The following GLYATL1B variants were observed in gnomAD, a reference collection of about 807,000 sequenced individuals.
GLYATL1B encodes putative glycine N-acyltransferase-like protein 1B.
Under a neutral mutation model 5.5 loss-of-function variants are expected in GLYATL1B, and 6 were observed. The ratio of observed to expected loss-of-function variants is 1.09; its 90% CI spans 0.60 to 2.15. GLYATL1B has a LOEUF of 2.15. Among genes scored for constraint, GLYATL1B ranks in the 30% most tolerant of loss-of-function variants. GLYATL1B has a pLI of 0.00. For synonymous variants in GLYATL1B, 67 were observed against 34.9 expected (o/e 1.92, Z -3.24); for missense variants, 135 against 94.1 (o/e 1.43, Z -1.80).
At chr11:59,094,228 G>T (rs1590875289) in intron 4 of GLYATL1B, 117 bp downstream of exon 4, 1 of 500,298 alleles carries the variant, frequency 2.0e-6, no homozygotes, top group Non-Finnish European at 3.6e-6. Flanking sequence ...ATGAATAAAG[G>T]TTGTCAGTGG....
chr11:59,086,411 A>G, intron 1 of GLYATL1B, 27 bp downstream of exon 1: 2 of 398,548 alleles, frequency 5.0e-6, no homozygotes, highest in Non-Finnish European at 8.9e-6. Flanking sequence ...AGGTTGGGGT[A>G]TGGGAGTAGG....
chr11:59,089,718 A>G (rs1859268319), intron 2 of GLYATL1B, among the ~76,000 whole-genome samples: 1 of 152,114 alleles, frequency 6.6e-6, no homozygotes, highest in Admixed American at 6.5e-5. Flanking sequence ...TGTGTTTTGG[A>G]TATGAGGGAT....
intron 2 of GLYATL1B, among the ~76,000 whole-genome samples, chr11:59,087,402 A>C (rs28472454): frequency 6.6e-6 from 1 of 151,620 alleles, no homozygotes; most frequent in African/African-American, 2.4e-5. Context: ...AAAAGGACAA[A>C]GCTGACACTC....
chr11:59,091,153 T>C (rs531992473), intron 2 of GLYATL1B, among the ~76,000 whole-genome samples: 58 of 152,272 alleles, frequency 3.8e-4, no homozygotes, highest in African/African-American at 1.3e-3. Flanking sequence ...GAATATTTTA[T>C]TCAGAATTTT....
At chr11:59,090,368 T>C (rs540268) in intron 2 of GLYATL1B, among the ~76,000 whole-genome samples, 108,361 of 151,852 alleles carry the variant, frequency 0.71, 39,583 homozygotes, top group African/African-American at 0.86. Flanking sequence ...TAGACAATTG[T>C]GGAAGCATTA....
rs1859196050 is a variant in GLYATL1B at position 59,086,362 on chromosome 11, G to A, written c.56G>A (p.Arg19Lys). ...CTGGCCCTATTCAAATCTTTAGCAA[G>A]GAGCATTCCTGAGTCCCTGAAGGTG... The part of the protein sequence containing the change: ...RLLALFKSLA[R>K]SIPESLKVYG... Residue 19 changes from arginine (R) to lysine (K), a missense_variant, in exon 1 of 5, where the codon AGG (arginine) becomes AAG (lysine). Transcript: ENST00000527482. 1 of 398,848 alleles carries A rather than the reference G, an allele frequency of 2.5e-6. No homozygotes were observed. Among genetic ancestry groups the A allele is most frequent in the Non-Finnish European group, 4.4e-6 (1 of 225,850 alleles). The allele number at this position is 398,848 out of a possible 1,614,324, so 24.7% of individuals were successfully genotyped here.
At chr11:59,088,014 T>TATTC (rs1274392461) in intron 2 of GLYATL1B, among the ~76,000 whole-genome samples, 1 of 152,146 alleles carries the variant, frequency 6.6e-6, no homozygotes, top group African/African-American at 2.4e-5. Context: ...CACTGAGAAA[T>TATTC]ATTCAGTCAG....
chr11:59,086,460 G>A (rs868028933), intron 1 of GLYATL1B, 76 bp downstream of exon 1: 147 of 396,796 alleles, frequency 3.7e-4, no homozygotes, highest in South Asian at 5.1e-4. Context: ...CATGAATCTC[G>A]TCCTTCCTGA....
intron 2 of GLYATL1B, among the ~76,000 whole-genome samples, chr11:59,090,667 G>T (rs941137210): frequency 6.6e-6 from 1 of 151,940 alleles, no homozygotes; most frequent in African/African-American, 2.4e-5. Flanking sequence ...TGCCTGGGGT[G>T]TTATTTGTTT....
At chr11:59,089,721 T>A (rs1372955392) in intron 2 of GLYATL1B, among the ~76,000 whole-genome samples, 1 of 152,192 alleles carries the variant, frequency 6.6e-6, no homozygotes, top group African/African-American at 2.4e-5. Context: ...GTTTTGGATA[T>A]GAGGGATACT....
At chr11:59,089,190 A>T (rs965626474) in intron 2 of GLYATL1B, among the ~76,000 whole-genome samples, 2 of 152,166 alleles carry the variant, frequency 1.3e-5, no homozygotes, top group African/African-American at 4.8e-5. Context: ...CAGCACTAAC[A>T]TATTTGTTTT....
intron 2 of GLYATL1B, among the ~76,000 whole-genome samples, chr11:59,090,664 G>A (rs1398071393): frequency 6.6e-6 from 1 of 151,510 alleles, no homozygotes; most frequent in Non-Finnish European, 1.5e-5. Context: ...GTTTGCCTGG[G>A]GTGTTATTTG....
Position 59,093,927 on chromosome 11 carries a change from C to T in GLYATL1B, c.314-7C>T. ...CTGACAATATTGCTTTCTTGGCTTT[C>T]TCTCAGGTTTTCAAGAAAGTTTAGG... On this transcript the variant is annotated splice_polypyrimidine_tract_variant and splice_region_variant and intron_variant, in intron 3 of 4. Transcript: ENST00000527482. 6.1e-6 allele frequency: 4 copies of T among 660,102 alleles called. No individual in the cohort carries two copies. Among genetic ancestry groups the T allele is most frequent in the Admixed American group, 2.5e-5 (1 of 40,036 alleles). 40.9% of individuals were successfully genotyped at this position (660,102 alleles called of 1,614,324 possible). A position where few individuals can be genotyped will look rare whatever the true frequency, so the allele number is the denominator to read the frequency against.
rs1300003130 is a variant in GLYATL1B at position 59,094,386 on chromosome 11, A to G, written c.509A>G (p.Lys170Arg). 5 of 564,876 alleles carry G rather than the reference A, an allele frequency of 8.9e-6. No homozygotes were observed. Among genetic ancestry groups the G allele is most frequent in the African/African-American group, 7.7e-5 (4 of 52,104 alleles). The allele number at this position is 564,876 out of a possible 1,614,324, so 35.0% of individuals were successfully genotyped here. A position where few individuals can be genotyped will look rare whatever the true frequency, so the allele number is the denominator to read the frequency against. ...DELESETPNFKYAQLNVSYSG... is the reference protein window; with the variant it reads ...DELESETPNFRYAQLNVSYSG... ...TTCTACAGCGAGACTCCGAACTTTA[A>G]GTATGCCCAGCTGAATGTGTCTTAT... is the stretch of plus-strand genomic sequence containing the variant. The change falls in exon 5 of 5, where the codon AAG becomes AGG. Residue 170 changes from lysine (K) to arginine (R), a missense_variant. Coordinates refer to ENST00000527482, the MANE Select transcript of GLYATL1B (RefSeq NM_001355566.1).
intron 2 of GLYATL1B, among the ~76,000 whole-genome samples, chr11:59,090,476 T>C (rs1859285241): frequency 6.6e-6 from 1 of 152,050 alleles, no homozygotes; most frequent in African/African-American, 2.4e-5. Flanking sequence ...TATTAGTGTT[T>C]TCCTGAGGTA....
Position 59,089,309 on chromosome 11 carries a change from A to C in GLYATL1B, c.186+2138A>C, listed in dbSNP as rs61527855. ...CTTTGCCATTACAAACAATGCTTCA[A>C]TAAACATCCTTGTATACATGTCTTT... On this transcript the variant is annotated intron_variant, in intron 2 of 4. Transcript: ENST00000527482. Among the ~76,000 whole-genome samples, 175 of 152,286 alleles carry C rather than the reference A, an allele frequency of 1.1e-3. 1 individual carries two copies. The highest frequency in any genetic ancestry group is 3.7e-3 in the African/African-American group (153 of 41,556).
chr11:59,088,510 C>T (rs887667903), intron 2 of GLYATL1B, among the ~76,000 whole-genome samples: 7 of 152,122 alleles, frequency 4.6e-5, no homozygotes, highest in East Asian at 3.9e-4. Context: ...CTGACAATTT[C>T]GGATCGATGA....
chr11:59,093,856 T>G lies in GLYATL1B; in HGVS notation c.314-78T>G. 6 of 543,328 alleles carry G rather than the reference T, an allele frequency of 1.1e-5. No individual in the cohort carries two copies. In the South Asian group the frequency reaches 2.3e-4, roughly 20 times the overall value. The allele number at this position is 543,328 out of a possible 1,614,324, so 33.7% of individuals were successfully genotyped here. On this transcript the variant is annotated intron_variant, in intron 3 of 4. Transcript: ENST00000527482. ...CTCAACTTTGAGAACTACTAAGCAC[T>G]GAGGCATTAATCAGGTGTGAGCAGT...
chr11:59,087,565 C>A (rs1482920875), intron 2 of GLYATL1B, among the ~76,000 whole-genome samples: 4 of 152,112 alleles, frequency 2.6e-5, no homozygotes, highest in African/African-American at 9.7e-5. Context: ...CATCTCATGG[C>A]CAGGCATGAT....
Sources: gnomAD v4.1 joint callset for allele counts (sites outside exome capture counted in the v4.1 genomes callset) on GRCh38, gnomAD v4.1.1 for gene constraint, MANE v1.5 for transcripts, NCBI Gene and HGNC (gene_info 2026-07-23, HGNC 2026-07-21) for gene names.